The following PRKD1 variants were observed in gnomAD, a reference collection of about 807,000 sequenced individuals.
The protein encoded by PRKD1 is protein kinase D1, also known as serine/threonine-protein kinase D1.
PRKD1 carries 63 observed loss-of-function variants against 95.9 expected under a neutral mutation model. That is an observed-to-expected ratio of 0.66 (90% CI 0.54 to 0.81). The LOEUF (loss-of-function observed/expected upper bound fraction) is 0.81, where lower values mean the gene tolerates loss of function less well. PRKD1 is among the 30% of genes least tolerant of loss of function. The pLI is 0.00. For synonymous variants in PRKD1, 425 were observed against 423.1 expected, an observed-to-expected ratio of 1.00 and a Z score of -0.05; for missense variants, 1,048 against 1,165.3, an observed-to-expected ratio of 0.90 and a Z score of 1.47.
At chr14:29,709,045 C>A (rs1295408733) in intron 2 of PRKD1, among the ~76,000 whole-genome samples, 1 of 152,068 alleles carries the variant, frequency 6.6e-6, no homozygotes, top group Non-Finnish European at 1.5e-5. Flanking sequence ...TGTTATTAAG[C>A]AAATTCCCTT....
chr14:29,593,996 A>G (rs2273814), intron 16 of PRKD1: 110,382 of 333,934 alleles, frequency 0.33, 21,324 homozygotes, highest in Non-Finnish European at 0.43. Flanking sequence ...GAGACAAATT[A>G]TAAATGATTT....
chr14:29,604,540 A>G (rs549501815), intron 13 of PRKD1, among the ~76,000 whole-genome samples: 1 of 152,294 alleles, frequency 6.6e-6, no homozygotes, highest in Non-Finnish European at 1.5e-5. Context: ...CCATCACACA[A>G]TGGAATGGGT....
At chr14:29,599,547 T>G in intron 14 of PRKD1, 109 bp downstream of exon 14, 1 of 1,053,244 alleles carries the variant, frequency 9.5e-7, no homozygotes, top group Non-Finnish European at 1.4e-6. Context: ...TCTAGTGTAG[T>G]TTAGACTGGA....
intron 4 of PRKD1, among the ~76,000 whole-genome samples, chr14:29,659,351 T>C (rs1417987508): frequency 6.6e-6 from 1 of 152,202 alleles, no homozygotes; most frequent in Non-Finnish European, 1.5e-5. Context: ...GGCTGTATCA[T>C]TCATACAATC....
chr14:29,643,087 A>G (rs1880900754), intron 4 of PRKD1, among the ~76,000 whole-genome samples: 1 of 152,124 alleles, frequency 6.6e-6, no homozygotes, highest in Non-Finnish European at 1.5e-5. Context: ...ATTTTTTAAA[A>G]TTTTATATTT....
intron 1 of PRKD1, among the ~76,000 whole-genome samples, chr14:29,776,591 G>C (rs1322918698): frequency 2.0e-5 from 3 of 152,134 alleles, no homozygotes; most frequent in Non-Finnish European, 4.4e-5. Context: ...GAGAAGTTTA[G>C]AGAAAAAGGA....
At chr14:29,797,714 G>A (rs1889875706) in intron 1 of PRKD1, among the ~76,000 whole-genome samples, 1 of 152,102 alleles carries the variant, frequency 6.6e-6, no homozygotes, top group African/African-American at 2.4e-5. Context: ...ACCACCACAG[G>A]AGCTGCTATT....
In PRKD1 at chr14:29,647,040, C is replaced by A. The variant is rs753982007; in HGVS notation, c.697-8136G>T. Among the ~76,000 whole-genome samples, 4 of 151,996 alleles carry A rather than the reference C, an allele frequency of 2.6e-5. No homozygotes were observed. In the East Asian group the frequency reaches 7.7e-4, roughly 29 times the overall value. ...ATATATAGCATAAATAAAATCTAAT[C>A]AACACCTTTTCACAACAGTGAAACG... is the stretch of plus-strand genomic sequence containing the variant. On this transcript the variant is annotated intron_variant, in intron 4 of 17. Coordinates refer to ENST00000331968, the MANE Select transcript of PRKD1 (RefSeq NM_002742.3).
chr14:29,839,761 T>G (rs1891757430), intron 1 of PRKD1, among the ~76,000 whole-genome samples: 1 of 152,030 alleles, frequency 6.6e-6, no homozygotes, highest in Non-Finnish European at 1.5e-5. Flanking sequence ...GAACACCATG[T>G]GGAAGCTGCC....
At chr14:29,909,244 T>C (rs939071885) in intron 1 of PRKD1, among the ~76,000 whole-genome samples, 5 of 151,782 alleles carry the variant, frequency 3.3e-5, no homozygotes, top group Non-Finnish European at 7.4e-5. Flanking sequence ...GGGGCAGGGC[T>C]CAGGACCTGC....
intron 2 of PRKD1, among the ~76,000 whole-genome samples, chr14:29,720,300 G>C (rs1283516740): frequency 6.6e-6 from 1 of 152,150 alleles, no homozygotes. Flanking sequence ...TCTTGGCAAT[G>C]TAAGTAGTGA....
At chr14:29,636,054 A>T (rs1044091543) in intron 7 of PRKD1, among the ~76,000 whole-genome samples, 1 of 152,144 alleles carries the variant, frequency 6.6e-6, no homozygotes, top group African/African-American at 2.4e-5. Flanking sequence ...CAAAAAAAAA[A>T]AAAAAATAGT....
intron 1 of PRKD1, among the ~76,000 whole-genome samples, chr14:29,740,503 G>A (rs1212679053): frequency 1.3e-5 from 2 of 152,166 alleles, no homozygotes; most frequent in Non-Finnish European, 2.9e-5. Context: ...CTAGTCTCTT[G>A]AATTTTACTG....
At chr14:29,778,985 A>C (rs957410683) in intron 1 of PRKD1, among the ~76,000 whole-genome samples, 1 of 152,216 alleles carries the variant, frequency 6.6e-6, no homozygotes, top group Non-Finnish European at 1.5e-5. Context: ...GGCTCAACAT[A>C]TGCAAATCAA....
chr14:29,926,362 G>C (rs10133444), intron 1 of PRKD1, among the ~76,000 whole-genome samples: 73,906 of 151,946 alleles, frequency 0.49, 19,962 homozygotes, highest in African/African-American at 0.73. Flanking sequence ...GGCCCCCTCT[G>C]CCTCACGTCT....
chr14:29,805,699 G>A (rs1890203817), intron 1 of PRKD1, among the ~76,000 whole-genome samples: 1 of 152,184 alleles, frequency 6.6e-6, no homozygotes, highest in Non-Finnish European at 1.5e-5. Context: ...ACTTGTCCAA[G>A]TTCACAGTGC....
intron 2 of PRKD1, among the ~76,000 whole-genome samples, chr14:29,667,566 T>G (rs957893585): frequency 6.6e-5 from 10 of 152,160 alleles, no homozygotes; most frequent in African/African-American, 2.4e-4. Flanking sequence ...CTTTGGTGGT[T>G]TGGTCAAAAT....
At chr14:29,684,041 A>G (rs1883701076) in intron 2 of PRKD1, among the ~76,000 whole-genome samples, 1 of 152,086 alleles carries the variant, frequency 6.6e-6, no homozygotes, top group Non-Finnish European at 1.5e-5. Flanking sequence ...CTTAGCTAAA[A>G]TGTCCCTCAC....
At chr14:29,905,127 G>A (rs964250741) in intron 1 of PRKD1, among the ~76,000 whole-genome samples, 24 of 152,182 alleles carry the variant, frequency 1.6e-4, no homozygotes, top group African/African-American at 4.8e-4. Context: ...TGAAATGAGT[G>A]TAACTTCTAC....
Sources: gnomAD v4.1 joint callset for allele counts (sites outside exome capture counted in the v4.1 genomes callset) on GRCh38, gnomAD v4.1.1 for gene constraint, MANE v1.5 for transcripts, NCBI Gene and HGNC (gene_info 2026-07-23, HGNC 2026-07-21) for gene names.